Variants in HEPACAM observed in about 807,000 individuals in gnomAD.
HEPACAM encodes the protein hepatocyte cell adhesion molecule.
A neutral mutation model predicts 38.3 loss-of-function variants in HEPACAM; 18 were observed. The observed-to-expected ratio is 0.47, with a 90% confidence interval of 0.33 to 0.70. The LOEUF (loss-of-function observed/expected upper bound fraction) is 0.70. Among genes scored for constraint, HEPACAM ranks in the 30% least tolerant of loss-of-function variants. The pLI, the probability that HEPACAM is intolerant of heterozygous loss-of-function variation, is 0.03. For synonymous variants in HEPACAM, 216 were observed against 243.1 expected (o/e 0.89, Z 1.04); for missense variants, 466 against 563.0 (o/e 0.83, Z 1.74).
chr11:124,920,799 G>C lies in HEPACAM; in HGVS notation c.*339C>G. ...TAGGAAGAGCACAGGATAGTCACGG[G>C]GGTTAGGTTACTGATGTTAGTTTCC... On this transcript the variant is annotated 3_prime_UTR_variant, in exon 7 of 7. Coordinates refer to ENST00000298251, the MANE Select transcript of HEPACAM (RefSeq NM_152722.5). 8.9e-7 allele frequency: 1 copy of C among 1,121,834 alleles called. No homozygotes were observed. Among genetic ancestry groups the C allele is most frequent in the African/African-American group, 1.6e-5 (1 of 60,924 alleles). The allele number at this position is 1,121,834 out of a possible 1,614,324, so 69.5% of individuals were successfully genotyped here. A position where few individuals can be genotyped will look rare whatever the true frequency, so the allele number is the denominator to read the frequency against.
At chr11:124,934,235 T>C (rs2135408578) in intron 1 of HEPACAM, among the ~76,000 whole-genome samples, 1 of 152,306 alleles carries the variant, frequency 6.6e-6, no homozygotes, top group Non-Finnish European at 1.5e-5. Context: ...CTCCTGACTT[T>C]ACCTCTAAAA....
intron 1 of HEPACAM, among the ~76,000 whole-genome samples, chr11:124,931,215 C>CT (rs1297464651): frequency 6.6e-6 from 1 of 152,080 alleles, no homozygotes; most frequent in East Asian, 1.9e-4. Context: ...TTTTAAACTT[C>CT]TTTTTTTTCA....
In HEPACAM at chr11:124,920,428, GGAGGCC is replaced by G. The variant is rs1947111986; in HGVS notation, c.*704_*709del. On this transcript the variant is annotated 3_prime_UTR_variant, in exon 7 of 7. Transcript: ENST00000298251. ...CATGCCTCCGAGGGAGGCTGTGGGAGGAGGCCAAGCTGGCAGGCTCGGGTTCTTTGC... is the reference window on the plus strand; with the variant it reads ...CATGCCTCCGAGGGAGGCTGTGGGAGAAGCTGGCAGGCTCGGGTTCTTTGC... The G allele has an allele frequency of 1.9e-6, 3 of 1,547,836 alleles. No homozygotes were observed. The African/African-American group carries it at 4.1e-5, about 21-fold the overall frequency.
rs1175871873 is a variant in HEPACAM at position 124,919,440 on chromosome 11, G to A, written c.*1698C>T. Reference sequence around the variant, plus strand: ...CCTCAGGGATTCAGCACCAGGGTATGGCATGTTCTCATCTCACCCTAACCT... The same window carrying A: ...CCTCAGGGATTCAGCACCAGGGTATAGCATGTTCTCATCTCACCCTAACCT... On this transcript the variant is annotated 3_prime_UTR_variant, in exon 7 of 7. Coordinates refer to ENST00000298251, the MANE Select transcript of HEPACAM (RefSeq NM_152722.5). 2.7e-6 allele frequency: 1 copy of A among 364,062 alleles called. No homozygotes were observed. The highest frequency in any genetic ancestry group is 5.0e-6 in the Non-Finnish European group (1 of 199,268). 22.6% of individuals were successfully genotyped at this position (364,062 alleles called of 1,614,324 possible).
Position 124,924,899 on chromosome 11 carries a change from CTG to C in HEPACAM, c.254_255del (p.Thr85ArgfsTer9). 6.2e-7 allele frequency: 1 copy of C among 1,614,222 alleles called. No individual in the cohort carries two copies. The highest frequency in any genetic ancestry group is 8.5e-7 in the Non-Finnish European group (1 of 1,180,030). On this transcript the variant is annotated frameshift_variant, in exon 2 of 7. Transcript: ENST00000298251. LOFTEE classifies it high-confidence loss of function. This position sits in a 1 kb window ranked among gnomAD's most constrained non-coding sequence, Gnocchi z 4.4. ...KPVTVVQSIG[T>X]EVIGTLRPDY... is the part of the protein sequence containing the mutation. ...TCAGGCCGCAGGGTGCCGATGACCT[CTG>C]TGCCAATGGACTGCACCACGGTCAC...
At chr11:124,923,527 GC>G in intron 3 of HEPACAM, 94 bp from the exon 4 acceptor site, 2 of 1,139,768 alleles carry the variant, frequency 1.8e-6, no homozygotes, top group Non-Finnish European at 2.6e-6. Flanking sequence ...GAGAGGGGGA[GC>G]CCCAGGCTGC....
At position 124,921,090 on chromosome 11, in the gene HEPACAM, G is replaced by A; in HGVS notation, c.*48C>T. ...CTTCCCAGCCCCAGCTTTCCCCCGG[G>A]CCACTGGCCGCAGACCGCGGGCGCC... On this transcript the variant is annotated 3_prime_UTR_variant, in exon 7 of 7. Transcript: ENST00000298251. The surrounding 1 kb of genome is among the most constrained non-coding windows in gnomAD (Gnocchi z 4.6). 1 of 1,512,538 alleles carries A rather than the reference G, an allele frequency of 6.6e-7. No individual in the cohort carries two copies. The highest frequency in any genetic ancestry group is 8.8e-7 in the Non-Finnish European group (1 of 1,135,916). 93.7% of individuals were successfully genotyped at this position (1,512,538 alleles called of 1,614,324 possible). A position where few individuals can be genotyped will look rare whatever the true frequency, so the allele number is the denominator to read the frequency against.
Position 124,919,614 on chromosome 11 carries a change from C to T in HEPACAM, c.*1524G>A. On this transcript the variant is annotated 3_prime_UTR_variant, in exon 7 of 7. Coordinates refer to ENST00000298251, the MANE Select transcript of HEPACAM (RefSeq NM_152722.5). The stretch of plus-strand genomic sequence containing the variant: ...GTTTAGGGGAGCTGCGAAGGCACAC[C>T]TGCTCAAATGAGCCTGGGGAAGTGC... 3.1e-6 allele frequency: 3 copies of T among 975,210 alleles called. No homozygotes were observed. Among genetic ancestry groups the T allele is most frequent in the Admixed American group, 5.3e-5 (2 of 37,602 alleles). 60.4% of individuals were successfully genotyped at this position (975,210 alleles called of 1,614,324 possible).
intron 1 of HEPACAM, among the ~76,000 whole-genome samples, chr11:124,927,923 A>G (rs1164687190): frequency 6.6e-6 from 1 of 152,222 alleles, no homozygotes; most frequent in Non-Finnish European, 1.5e-5. Flanking sequence ...TTAATTAATT[A>G]AAGCAGAAGA....
intron 1 of HEPACAM, among the ~76,000 whole-genome samples, chr11:124,926,083 T>G (rs1947203720): frequency 6.6e-6 from 1 of 152,110 alleles, no homozygotes; most frequent in African/African-American, 2.4e-5. Context: ...GTGTCTGTAA[T>G]CCCAGCTACT....
intron 1 of HEPACAM, among the ~76,000 whole-genome samples, chr11:124,933,999 T>C (rs937061780): frequency 3.9e-5 from 6 of 152,168 alleles, no homozygotes; most frequent in African/African-American, 4.8e-5. Flanking sequence ...AGTAATATTA[T>C]CTATTCTTAT....
At chr11:124,934,098 A>G (rs1947314282) in intron 1 of HEPACAM, among the ~76,000 whole-genome samples, 1 of 152,170 alleles carries the variant, frequency 6.6e-6, no homozygotes, top group Admixed American at 6.5e-5. Flanking sequence ...GCTATGTGAC[A>G]TCTTCACACG....
chr11:124,919,660 C>A lies in HEPACAM; in HGVS notation c.*1478G>T. ...AGTGCCGAGGGACAGGGAGCTGAGA[C>A]AGGCATGCTGTGGGGTTCAGGGCAG... On this transcript the variant is annotated 3_prime_UTR_variant, in exon 7 of 7. Coordinates refer to ENST00000298251, the MANE Select transcript of HEPACAM (RefSeq NM_152722.5). The A allele has an allele frequency of 7.0e-7, 1 of 1,430,864 alleles. No individual in the cohort carries two copies. Among genetic ancestry groups the A allele is most frequent in the Non-Finnish European group, 9.5e-7 (1 of 1,049,052 alleles). The allele number at this position is 1,430,864 out of a possible 1,614,324, so 88.6% of individuals were successfully genotyped here.
intron 1 of HEPACAM, among the ~76,000 whole-genome samples, chr11:124,935,589 A>G (rs1027022055): frequency 1.6e-4 from 24 of 152,172 alleles, no homozygotes; most frequent in African/African-American, 5.5e-4. Flanking sequence ...AAGCCCCACC[A>G]CAATCCCTTG....
chr11:124,920,695 A>C lies in HEPACAM; in HGVS notation c.*443T>G. ...TGAACTTGCAAAAAAAAAAAAAAAA[A>C]AAAAAAAAAAAAAAGTGCCCCAGCA... On this transcript the variant is annotated 3_prime_UTR_variant, in exon 7 of 7. Transcript: ENST00000298251. The C allele has an allele frequency of 8.8e-6, 9 of 1,026,302 alleles. No homozygotes were observed. Among genetic ancestry groups the C allele is most frequent in the Non-Finnish European group, 1.1e-5 (9 of 852,896 alleles). 63.6% of individuals were successfully genotyped at this position (1,026,302 alleles called of 1,614,324 possible).
rs1947179324 is a variant in HEPACAM at position 124,924,284 on chromosome 11, C to T, written c.428-274G>A. On this transcript the variant is annotated intron_variant, in intron 2 of 6. Transcript: ENST00000298251. The surrounding 1 kb of genome is among the most constrained non-coding windows in gnomAD (Gnocchi z 4.4). ...TCATTCCCTCTTTCCAAATGCCTTGCCATGAACCCTGGGCTTTAATGTCTT... is the reference window on the plus strand; with the variant it reads ...TCATTCCCTCTTTCCAAATGCCTTGTCATGAACCCTGGGCTTTAATGTCTT... 6.6e-6 allele frequency among the ~76,000 whole-genome samples: 1 copy of T among 152,160 alleles called. No homozygotes were observed. The highest frequency in any genetic ancestry group is 1.5e-5 in the Non-Finnish European group (1 of 68,018).
rs1193851789 is a variant in HEPACAM at position 124,921,382 on chromosome 11, C to G, written c.1007G>C (p.Gly336Ala). 1 of 1,271,440 alleles carries G rather than the reference C, an allele frequency of 7.9e-7. No homozygotes were observed. Among genetic ancestry groups the G allele is most frequent in the Non-Finnish European group, 9.9e-7 (1 of 1,011,452 alleles). The allele number at this position is 1,271,440 out of a possible 1,614,324, so 78.8% of individuals were successfully genotyped here. ...APEPRSATEP[G>A]PPGYSVSPAV... ...GGGAGACACGGAGTAGCCGGGCGGGCCGGGCTCCGTCGCGCTTCGAGGCTC... is the reference window on the plus strand; with the variant it reads ...GGGAGACACGGAGTAGCCGGGCGGGGCGGGCTCCGTCGCGCTTCGAGGCTC... Residue 336 changes from glycine (G) to alanine (A), a missense_variant, in exon 7 of 7, where the codon GGC becomes GCC. Coordinates refer to ENST00000298251, the MANE Select transcript of HEPACAM (RefSeq NM_152722.5). The surrounding 1 kb of genome is among the most constrained non-coding windows in gnomAD (Gnocchi z 4.6).
chr11:124,923,678 C>T (rs980076633), intron 3 of HEPACAM, 51 bp downstream of exon 3: 11 of 1,608,628 alleles, frequency 6.8e-6, no homozygotes, highest in Non-Finnish European at 9.4e-6. Context: ...CTCATGGTCA[C>T]CTGCCTCTTG....
intron 1 of HEPACAM, among the ~76,000 whole-genome samples, chr11:124,926,598 C>T (rs1032451051): frequency 2.0e-5 from 3 of 152,126 alleles, no homozygotes; most frequent in African/African-American, 4.8e-5. Context: ...CTGGAGAGGA[C>T]GCCGGTTGGG....
Sources: allele counts gnomAD v4.1 joint callset (sites outside exome capture counted in the v4.1 genomes callset), GRCh38; gene constraint gnomAD v4.1.1; non-coding constraint Gnocchi (gnomAD v3.1); transcripts MANE v1.5; gene names NCBI Gene and HGNC (gene_info 2026-07-23, HGNC 2026-07-21).